The following SEMA3A variants were observed in gnomAD, a reference collection of about 807,000 sequenced individuals.
The protein encoded by SEMA3A is semaphorin-3A.
A neutral mutation model predicts 97.9 loss-of-function variants in SEMA3A; 29 were observed. The ratio of observed to expected loss-of-function variants is 0.30; its 90% confidence interval spans 0.22 to 0.40. The LOEUF (loss-of-function observed/expected upper bound fraction) is 0.40, where lower values mean the gene tolerates loss of function less well. Ranked by LOEUF, SEMA3A falls within the 10% of genes least tolerant of loss-of-function variation. SEMA3A has a pLI of 1.00. For missense variants in SEMA3A, 763 were observed against 951.3 expected, an observed-to-expected ratio of 0.80 and a Z score of 2.60; for synonymous variants, 321 against 323.7, an observed-to-expected ratio of 0.99 and a Z score of 0.09.
chr7:84,194,798 A>T, upstream of SEMA3A: 6 of 185,182 alleles, frequency 3.2e-5, no homozygotes, highest in East Asian at 2.7e-4. Flanking sequence ...TCCAAAAAGA[A>T]AAAAAAAAAA....
intron 1 of SEMA3A, among the ~76,000 whole-genome samples, chr7:84,393,071 T>G (rs1464508946): frequency 1.3e-5 from 2 of 152,192 alleles, no homozygotes; most frequent in Non-Finnish European, 2.9e-5. Context: ...TGTCTATTTT[T>G]GCTTTTGTTG....
chr7:84,465,789 C>G (rs1805974911), intron 1 of SEMA3A, among the ~76,000 whole-genome samples: 1 of 152,206 alleles, frequency 6.6e-6, no homozygotes, highest in African/African-American at 2.4e-5. Context: ...CTCATTTTGA[C>G]TACTTATTGC....
chr7:84,457,540 T>C (rs559477572), intron 1 of SEMA3A, among the ~76,000 whole-genome samples: 185 of 152,118 alleles, frequency 1.2e-3, no homozygotes, highest in Non-Finnish European at 2.0e-3. Flanking sequence ...ATTGAATTGA[T>C]GTTTTGGCCC....
At chr7:84,081,662 C>G (rs1312800048) in intron 4 of SEMA3A, among the ~76,000 whole-genome samples, 1 of 142,084 alleles carries the variant, frequency 7.0e-6, no homozygotes, top group African/African-American at 2.6e-5. Flanking sequence ...GTAATACAAA[C>G]AATCATAGTC....
intron 14 of SEMA3A, among the ~76,000 whole-genome samples, chr7:83,980,580 G>A (rs1238632688): frequency 7.9e-6 from 1 of 126,046 alleles, no homozygotes; most frequent in African/African-American, 3.2e-5. Flanking sequence ...ACTCCAGCCT[G>A]GTGACAGAGT....
chr7:84,232,796 G>T (rs534120884), intron 3 of SEMA3A, among the ~76,000 whole-genome samples: 2 of 152,004 alleles, frequency 1.3e-5, no homozygotes, highest in East Asian at 1.9e-4. Context: ...CACAAACACA[G>T]ATTGCTATTT....
intron 5 of SEMA3A, among the ~76,000 whole-genome samples, chr7:84,048,819 G>A (rs192793201): frequency 1.3e-5 from 2 of 151,978 alleles, no homozygotes; most frequent in African/African-American, 4.8e-5. Flanking sequence ...GCTTTCTTTA[G>A]GGTAAGAAAA....
chr7:84,444,264 G>A (rs1394499638), intron 1 of SEMA3A, among the ~76,000 whole-genome samples: 1 of 152,000 alleles, frequency 6.6e-6, no homozygotes, highest in Non-Finnish European at 1.5e-5. Flanking sequence ...AAATCATACA[G>A]GATCTTAATC....
chr7:84,312,270 TA>T (rs1801343360), intron 2 of SEMA3A, among the ~76,000 whole-genome samples: 1 of 151,916 alleles, frequency 6.6e-6, no homozygotes, highest in African/African-American at 2.4e-5. Flanking sequence ...TAAGATTCTT[TA>T]GGAAAATTGC....
intron 1 of SEMA3A, among the ~76,000 whole-genome samples, chr7:84,406,942 T>A (rs1158513891): frequency 6.6e-6 from 1 of 152,148 alleles, no homozygotes; most frequent in Non-Finnish European, 1.5e-5. Flanking sequence ...ACAGCCAATA[T>A]CATACTGAAT....
At chr7:84,260,386 A>T (rs530503082) in intron 3 of SEMA3A, among the ~76,000 whole-genome samples, 1 of 152,256 alleles carries the variant, frequency 6.6e-6, no homozygotes, top group South Asian at 2.1e-4. Context: ...AGCCAGGAAC[A>T]GGCGAGAGCC....
intron 1 of SEMA3A, among the ~76,000 whole-genome samples, chr7:84,146,174 TAGA>T (rs1796457428): frequency 6.6e-6 from 1 of 152,164 alleles, no homozygotes; most frequent in Non-Finnish European, 1.5e-5. Flanking sequence ...GCATGAGTAT[TAGA>T]GTACACACAT....
At chr7:84,120,044 A>G (rs1174709573) in intron 3 of SEMA3A, among the ~76,000 whole-genome samples, 1 of 152,044 alleles carries the variant, frequency 6.6e-6, no homozygotes, top group Non-Finnish European at 1.5e-5. Flanking sequence ...AAATCTCCAA[A>G]TCTTCTGAAA....
Position 84,252,992 on chromosome 7 carries a change from C to T in SEMA3A, c.-83+54215G>A, listed in dbSNP as rs542316247. 2.6e-5 allele frequency among the ~76,000 whole-genome samples: 4 copies of T among 152,274 alleles called. No homozygotes were observed. The South Asian group carries it at 6.2e-4, about 24-fold the overall frequency. Reference sequence around the variant, plus strand: ...CTCCTGGGTTCAAGTGATTCTCCTGCCTCAGCCTGCCGAGTAGCTGGGACT... The same window carrying T: ...CTCCTGGGTTCAAGTGATTCTCCTGTCTCAGCCTGCCGAGTAGCTGGGACT... On this transcript the variant is annotated intron_variant, in intron 3 of 3. Transcript: ENST00000424555.
Position 84,347,969 on chromosome 7 carries a change from T to C in SEMA3A, c.-169+23855A>G, listed in dbSNP as rs993971928. Among the ~76,000 whole-genome samples the C allele has an allele frequency of 2.6e-5, 4 of 152,248 alleles. No homozygotes were observed. In the East Asian group the frequency reaches 5.8e-4, roughly 22 times the overall value. Reference sequence around the variant, plus strand: ...CCATCAAAACTCACTAAATCGTACATTTGAAATTGGTAAATTTTATTGTAT... The same window carrying C: ...CCATCAAAACTCACTAAATCGTACACTTGAAATTGGTAAATTTTATTGTAT... On this transcript the variant is annotated intron_variant, in intron 2 of 3. Transcript: ENST00000424555.
chr7:84,010,512 T>A (rs930805834), intron 9 of SEMA3A, among the ~76,000 whole-genome samples: 1 of 152,176 alleles, frequency 6.6e-6, no homozygotes, highest in South Asian at 2.1e-4. Flanking sequence ...CAGATTCCCA[T>A]GCTAATCATC....
intron 3 of SEMA3A, among the ~76,000 whole-genome samples, chr7:84,297,261 GCCA>G (rs1438136284): frequency 2.6e-5 from 4 of 152,104 alleles, no homozygotes; most frequent in African/African-American, 9.7e-5. Flanking sequence ...ACAGGTGTGA[GCCA>G]CCGTGCCCAG....
At position 84,443,989 on chromosome 7, in the gene SEMA3A, C is replaced by A. The variant is rs147147435; in HGVS notation, c.-246+48471G>T. On this transcript the variant is annotated intron_variant, in intron 1 of 3. Coordinates refer to the SEMA3A transcript ENST00000424555. ...TCAACCTCCACCTCCTGGGTTCAAG[C>A]GATTCTCCTGCCTCAGACTCCTGAG... Among the ~76,000 whole-genome samples the A allele has an allele frequency of 4.9e-4, 72 of 146,850 alleles. 2 individuals are homozygous for A. In the East Asian group the frequency reaches 0.013, roughly 26 times the overall value.
intron 6 of SEMA3A, among the ~76,000 whole-genome samples, chr7:84,040,223 CTT>C (rs59145273): frequency 7.2e-6 from 1 of 138,158 alleles, no homozygotes; most frequent in Non-Finnish European, 1.6e-5. Context: ...TAACAAGTGG[CTT>C]TTTTTTTTTT....
Sources: gnomAD v4.1 joint callset for allele counts (sites outside exome capture counted in the v4.1 genomes callset) on GRCh38, gnomAD v4.1.1 for gene constraint, MANE v1.5 for transcripts, NCBI Gene and HGNC (gene_info 2026-07-23, HGNC 2026-07-21) for gene names.